PPP1R13L: variants seen among roughly 807,000 people sequenced by gnomAD.
PPP1R13L encodes the protein protein phosphatase 1 regulatory subunit 13 like.
Under a neutral mutation model 80.9 loss-of-function variants are expected in PPP1R13L, and 50 were observed. That is an observed-to-expected ratio of 0.62 (90% CI 0.49 to 0.78). The LOEUF is 0.78. Among genes scored for constraint, PPP1R13L ranks in the 30% least tolerant of loss-of-function variants. The pLI, the probability that PPP1R13L is intolerant of heterozygous loss-of-function variation, is 0.00. For missense variants in PPP1R13L, 1,200 were observed against 1,205.9 expected (o/e 1.00, Z 0.07); for synonymous variants, 602 against 534.3 (o/e 1.13, Z -1.75).
chr19:45,382,100 G>A (rs1001545568), intron 12 of PPP1R13L, among the ~76,000 whole-genome samples: 3 of 151,988 alleles, frequency 2.0e-5, no homozygotes, highest in African/African-American at 7.2e-5. Context: ...AAGTAGCCGG[G>A]CGTGGTGGTG....
chr19:45,382,375 G>A (rs761959495), intron 12 of PPP1R13L, 152 bp downstream of exon 12: 30 of 877,182 alleles, frequency 3.4e-5, no homozygotes, highest in Admixed American at 1.9e-4. Flanking sequence ...CGGACTTTTC[G>A]TCTCCTCCCC....
chr19:45,389,797 T>G (rs1599767220), intron 8 of PPP1R13L, among the ~76,000 whole-genome samples: 1 of 151,984 alleles, frequency 6.6e-6, no homozygotes, highest in South Asian at 2.1e-4. Context: ...TTATTTATTT[T>G]TATTTTTATT....
chr19:45,396,807 G>T lies in PPP1R13L; in HGVS notation c.450C>A (p.Gly150=). 1 of 1,429,498 alleles carries T rather than the reference G, an allele frequency of 7.0e-7. No homozygotes were observed. Among genetic ancestry groups the T allele is most frequent in the Non-Finnish European group, 9.1e-7 (1 of 1,099,636 alleles). The allele number at this position is 1,429,498 out of a possible 1,614,324, so 88.6% of individuals were successfully genotyped here. A position where few individuals can be genotyped will look rare whatever the true frequency, so the allele number is the denominator to read the frequency against. Residue 150 remains glycine, a synonymous_variant, in exon 4 of 13, where the codon GGC becomes GGA. Transcript: ENST00000360957. The surrounding 1 kb of genome is among the most constrained non-coding windows in gnomAD (Gnocchi z 5.3). The part of the protein sequence containing the change: ...SPRPRAFDGA[G]SSLGRAPSPR... ...GGGAGGGCGCACGGCCGAGGGAGCT[G>T]CCTGCGCCATCGAAGGCGCGGGGCC...
At chr19:45,392,564 A>G (rs1334225377) in intron 7 of PPP1R13L, 2 of 644,870 alleles carry the variant, frequency 3.1e-6, no homozygotes. Context: ...TTACATGCCT[A>G]CCTTATTGTA....
At position 45,395,604 on chromosome 19, in the gene PPP1R13L, G is replaced by T. The variant is rs985462605; in HGVS notation, c.1186C>A (p.Pro396Thr). The T allele has an allele frequency of 9.5e-6, 14 of 1,475,020 alleles. No homozygotes were observed. The highest frequency in any genetic ancestry group is 1.3e-5 in the Non-Finnish European group (14 of 1,116,460). The allele number at this position is 1,475,020 out of a possible 1,614,324, so 91.4% of individuals were successfully genotyped here. Residue 396 changes from proline to threonine, a missense_variant, in exon 7 of 13, where the codon CCC becomes ACC. Physicochemically the swap from Pro to Thr is conservative, Grantham distance 38. This residue lies in a region of PPP1R13L where 764 missense variants were observed against 714.5 expected (regional missense o/e 1.07). Transcript: ENST00000360957. ...GGCGGGGGTGCTCGGGTGAAGAGGG[G>T]GGACCCAGGGAGCATGGCGCGGCTG... ...GASRAMLPGSPLFTRAPPPKL... is the reference protein window; with the variant it reads ...GASRAMLPGSTLFTRAPPPKL...
At chr19:45,397,611 C>T (rs1973139556) in intron 3 of PPP1R13L, among the ~76,000 whole-genome samples, 2 of 151,626 alleles carry the variant, frequency 1.3e-5, no homozygotes, top group South Asian at 4.2e-4. Context: ...GTATGCACCA[C>T]CACACCTGGC....
At position 45,387,753 on chromosome 19, in the gene PPP1R13L, G is replaced by A. The variant is rs151187896; in HGVS notation, c.1816-1573C>T. 2.0e-3 allele frequency among the ~76,000 whole-genome samples: 297 copies of A among 152,210 alleles called. 1 individual carries two copies. The highest frequency in any genetic ancestry group is 7.0e-3 in the African/African-American group (289 of 41,542). ...TTTTTAGTAAAGATGGGGTTTCACCGTGTTAGCCAGGAAGGTCTTGTTCTC... is the reference window on the plus strand; with the variant it reads ...TTTTTAGTAAAGATGGGGTTTCACCATGTTAGCCAGGAAGGTCTTGTTCTC... On this transcript the variant is annotated intron_variant, in intron 8 of 12. Coordinates refer to ENST00000360957, the MANE Select transcript of PPP1R13L (RefSeq NM_006663.4).
At chr19:45,404,396 T>C (rs1355009596) in intron 1 of PPP1R13L, among the ~76,000 whole-genome samples, 1 of 152,112 alleles carries the variant, frequency 6.6e-6, no homozygotes, top group Admixed American at 6.5e-5. Context: ...TTGGGTTCGC[T>C]CAGCGGCACA....
At chr19:45,390,012 T>TC (rs1222441535) in intron 8 of PPP1R13L, among the ~76,000 whole-genome samples, 4 of 151,978 alleles carry the variant, frequency 2.6e-5, no homozygotes, top group Admixed American at 1.3e-4. Context: ...CAGGATGGTC[T>TC]TATCTCCTGA....
At chr19:45,398,907 A>C (rs1026375971) in intron 1 of PPP1R13L, among the ~76,000 whole-genome samples, 12 of 151,784 alleles carry the variant, frequency 7.9e-5, no homozygotes. Context: ...TGAATTACTG[A>C]ATGTTTACTA....
intron 6 of PPP1R13L, 53 bp from the exon 7 acceptor site, chr19:45,395,939 G>A: frequency 6.8e-7 from 1 of 1,467,336 alleles, no homozygotes; most frequent in Non-Finnish European, 9.3e-7. Context: ...AAGGTGGAGG[G>A]GAGGTAAAGA....
At position 45,395,716 on chromosome 19, in the gene PPP1R13L, G is replaced by A. The variant is rs745914101; in HGVS notation, c.1074C>T (p.Ser358=). 11 of 1,485,938 alleles carry A rather than the reference G, an allele frequency of 7.4e-6. No homozygotes were observed. Among genetic ancestry groups the A allele is most frequent in the East Asian group, 5.0e-5 (2 of 40,306 alleles). 92.0% of individuals were successfully genotyped at this position (1,485,938 alleles called of 1,614,324 possible). A position where few individuals can be genotyped will look rare whatever the true frequency, so the allele number is the denominator to read the frequency against. ...PVSRIPMPPS[S]PQPRGAPRQR... is the part of the protein sequence containing the mutation. The stretch of plus-strand genomic sequence containing the variant: ...GGCGCGGGGCCCCGCGGGGCTGGGG[G>A]CTGGAGGGGGGCATGGGGATGCGGC... The change falls in exon 7 of 13, where the codon AGC becomes AGT. Residue 358 remains serine (S), a synonymous_variant. Transcript: ENST00000360957.
At chr19:45,406,287 C>T (rs921977924), upstream of PPP1R13L, 1 of 1,066,520 alleles carries the variant, frequency 9.4e-7, no homozygotes, top group African/African-American at 1.7e-5. This position sits in a 1 kb window ranked among gnomAD's most constrained non-coding sequence, Gnocchi z 4.2. Flanking sequence ...AACTAGTATT[C>T]TTACCTGTCT....
At chr19:45,388,088 G>C (rs1035891204) in intron 8 of PPP1R13L, among the ~76,000 whole-genome samples, 31 of 151,960 alleles carry the variant, frequency 2.0e-4, no homozygotes, top group Admixed American at 1.8e-3. Flanking sequence ...AGAATCACTT[G>C]AACCCAGGAG....
In PPP1R13L at chr19:45,398,345, T is replaced by G; in HGVS notation, c.-21-6A>C. On this transcript the variant is annotated splice_region_variant and splice_polypyrimidine_tract_variant and intron_variant, in intron 1 of 12. Coordinates refer to ENST00000360957, the MANE Select transcript of PPP1R13L (RefSeq NM_006663.4). ...GTGCCGGCCGGAGCGGGCGCCTGCA[T>G]GGTGGGGAGGGAGGGAGCTGGCTAA... 1.2e-6 allele frequency: 2 copies of G among 1,612,500 alleles called. No homozygotes were observed. Among genetic ancestry groups the G allele is most frequent in the Non-Finnish European group, 1.7e-6 (2 of 1,179,784 alleles).
At chr19:45,403,641 C>A (rs1386751489) in intron 1 of PPP1R13L, among the ~76,000 whole-genome samples, 1 of 152,192 alleles carries the variant, frequency 6.6e-6, no homozygotes, top group Non-Finnish European at 1.5e-5. Context: ...TTCCTCTAGA[C>A]AATGCGAGCT....
upstream of PPP1R13L, chr19:45,406,184 C>T: frequency 1.6e-6 from 1 of 637,402 alleles, no homozygotes; most frequent in Non-Finnish European, 2.0e-6. The surrounding 1 kb of genome is among the most constrained non-coding windows in gnomAD (Gnocchi z 4.2). Flanking sequence ...GCCCCTATTT[C>T]TCCATTTTCC....
At chr19:45,397,395 CCTCT>C (rs952398294) in intron 3 of PPP1R13L, among the ~76,000 whole-genome samples, 3 of 149,622 alleles carry the variant, frequency 2.0e-5, no homozygotes, top group Admixed American at 6.7e-5. Context: ...TTCTTTCTTT[CCTCT>C]CTCTCCTTCC....
intron 11 of PPP1R13L, among the ~76,000 whole-genome samples, chr19:45,384,474 G>A (rs1459957924): frequency 6.6e-6 from 1 of 152,078 alleles, no homozygotes; most frequent in Non-Finnish European, 1.5e-5. Context: ...GGCAGAGGTT[G>A]TAGTGGGCTA....
Sources: gnomAD v4.1 joint callset for allele counts (sites outside exome capture counted in the v4.1 genomes callset) on GRCh38, gnomAD v4.1.1 for gene constraint, gnomAD v4.1.1 regional missense constraint, Gnocchi (gnomAD v3.1) non-coding constraint, MANE v1.5 for transcripts, NCBI Gene and HGNC (gene_info 2026-07-23, HGNC 2026-07-21) for gene names.